CUL5: variants seen among roughly 807,000 people sequenced by gnomAD.
CUL5 encodes cullin 5.
CUL5 carries 26 observed loss-of-function variants against 108.8 expected under a neutral mutation model. The observed-to-expected ratio is 0.24, with a 90% CI of 0.18 to 0.33. The LOEUF (loss-of-function observed/expected upper bound fraction) is 0.33, where lower values mean the gene tolerates loss of function less well. Among genes scored for constraint, CUL5 ranks in the 10% least tolerant of loss-of-function variants. CUL5 has a pLI of 1.00. For missense variants in CUL5, 524 were observed against 909.2 expected, an observed-to-expected ratio of 0.58 and a Z score of 5.45; for synonymous variants, 334 against 298.0, an observed-to-expected ratio of 1.12 and a Z score of -1.25.
intron 8 of CUL5, 75 bp downstream of exon 8, chr11:108,070,264 C>T: frequency 9.4e-7 from 1 of 1,065,682 alleles, no homozygotes; most frequent in Non-Finnish European, 1.4e-6. Flanking sequence ...TACTAAGTTG[C>T]TCTTAGTTAA....
intron 7 of CUL5, among the ~76,000 whole-genome samples, chr11:108,061,123 G>T (rs1863522166): frequency 6.6e-6 from 1 of 152,120 alleles, no homozygotes; most frequent in Non-Finnish European, 1.5e-5. Flanking sequence ...ATGGCAAAAA[G>T]TTTTTTTCTT....
At chr11:108,085,892 C>T (rs1288888370) in intron 11 of CUL5, among the ~76,000 whole-genome samples, 1 of 152,086 alleles carries the variant, frequency 6.6e-6, no homozygotes, top group Non-Finnish European at 1.5e-5. Flanking sequence ...GATTACGCAA[C>T]CCTCTGAATA....
chr11:108,098,458 C>T lies in CUL5; in HGVS notation c.2077C>T (p.Gln693Ter). ...RGKINLIGRL[Q>*]LTTERMREEE... ...TAAAATCAACTTGATTGGACGTTTG[C>T]AGCTCACTACAGAAAGGATGAGAGA... is the stretch of plus-strand genomic sequence containing the variant. The change falls in exon 18 of 19, where the codon CAG becomes TAG. Residue 693 changes from glutamine (Q) to a stop codon, truncating the protein, a stop_gained. Coordinates refer to ENST00000393094, the MANE Select transcript of CUL5 (RefSeq NM_003478.6). LOFTEE classifies it high-confidence loss of function. 1 of 1,604,412 alleles carries T rather than the reference C, an allele frequency of 6.2e-7. No homozygotes were observed. Among genetic ancestry groups the T allele is most frequent in the Non-Finnish European group, 8.5e-7 (1 of 1,175,712 alleles).
intron 7 of CUL5, among the ~76,000 whole-genome samples, chr11:108,065,035 T>A (rs952879068): frequency 6.6e-6 from 1 of 151,180 alleles, no homozygotes; most frequent in East Asian, 1.9e-4. Flanking sequence ...AATTAATTAA[T>A]TTTTTTTTGA....
At chr11:108,100,172 G>A (rs1003921687) in intron 18 of CUL5, among the ~76,000 whole-genome samples, 1 of 152,118 alleles carries the variant, frequency 6.6e-6, no homozygotes, top group Non-Finnish European at 1.5e-5. Flanking sequence ...GGTAGTGGTG[G>A]AACTTGCCCT....
At chr11:108,068,418 A>C (rs1254631714) in intron 7 of CUL5, among the ~76,000 whole-genome samples, 1 of 151,980 alleles carries the variant, frequency 6.6e-6, no homozygotes, top group Admixed American at 6.6e-5. Context: ...TCCTGAGCTT[A>C]ACTGACCCTC....
At chr11:108,059,308 A>G (rs1863476280) in intron 7 of CUL5, among the ~76,000 whole-genome samples, 1 of 152,176 alleles carries the variant, frequency 6.6e-6, no homozygotes, top group Non-Finnish European at 1.5e-5. Flanking sequence ...GCATTATGCT[A>G]GTTGGGGATA....
intron 7 of CUL5, among the ~76,000 whole-genome samples, chr11:108,064,229 A>T (rs1863619310): frequency 6.6e-6 from 1 of 152,210 alleles, no homozygotes; most frequent in African/African-American, 2.4e-5. Context: ...GGTTTGTATC[A>T]TGCAGGAATG....
Position 108,095,686 on chromosome 11 carries a change from T to C in CUL5, c.1900T>C (p.Leu634=), listed in dbSNP as rs760001154. The C allele has an allele frequency of 6.2e-7, 1 of 1,609,052 alleles. No individual in the cohort carries two copies. Among genetic ancestry groups the C allele is most frequent in the Admixed American group, 1.7e-5 (1 of 58,408 alleles). ...CCCTGATGCTGAACTTAGGAGGACT[T>C]TATGGGTTGGTTTATGTTTTTTTGT... ...ELPDAELRRT[L]WSLVAFPKLK... Residue 634 remains leucine (L), a synonymous_variant, in exon 16 of 19, where the codon TTA becomes CTA. Coordinates refer to ENST00000393094, the MANE Select transcript of CUL5 (RefSeq NM_003478.6).
At chr11:108,044,407 C>T (rs371910503) in intron 2 of CUL5, among the ~76,000 whole-genome samples, 18 of 151,226 alleles carry the variant, frequency 1.2e-4, no homozygotes, top group Non-Finnish European at 2.4e-4. Flanking sequence ...CCCAGCTAGT[C>T]GGGAGGCTGA....
rs796070544 is a variant in CUL5, at chr11:108,103,425, A to C, written c.2149-765A>C. Among the ~76,000 whole-genome samples, 128 of 151,108 alleles carry C rather than the reference A, an allele frequency of 8.5e-4. 2 individuals are homozygous for C. The highest frequency in any genetic ancestry group is 3.1e-3 in the African/African-American group (124 of 40,528). On this transcript the variant is annotated intron_variant, in intron 18 of 18. Coordinates refer to ENST00000393094, the MANE Select transcript of CUL5 (RefSeq NM_003478.6). Reference sequence around the variant, plus strand: ...TAAAGAGAAGAAGGGGAAAAAAAAAACCTTAAAAACATTTAATTGAGTCAA... The same window carrying C: ...TAAAGAGAAGAAGGGGAAAAAAAAACCCTTAAAAACATTTAATTGAGTCAA...
intron 7 of CUL5, among the ~76,000 whole-genome samples, chr11:108,062,631 G>C (rs368794124): frequency 6.6e-6 from 1 of 150,996 alleles, no homozygotes; most frequent in African/African-American, 2.4e-5. Context: ...TGTATTTATG[G>C]GTTACATGAG....
At chr11:108,030,935 T>G (rs937265884) in intron 1 of CUL5, among the ~76,000 whole-genome samples, 6 of 152,214 alleles carry the variant, frequency 3.9e-5, no homozygotes, top group African/African-American at 1.2e-4. Context: ...CAGATGATTT[T>G]CACGTAGGTT....
chr11:108,095,720 CTG>C (rs753289338), intron 16 of CUL5, 29 bp downstream of exon 16: 21 of 1,568,940 alleles, frequency 1.3e-5, no homozygotes, highest in Non-Finnish European at 1.8e-5. Flanking sequence ...GTTTTTAAGA[CTG>C]TATCCTCTCA....
At chr11:108,075,299 A>C (rs764168830) in intron 10 of CUL5, among the ~76,000 whole-genome samples, 7 of 152,132 alleles carry the variant, frequency 4.6e-5, no homozygotes, top group Non-Finnish European at 1.0e-4. Context: ...TAATTCTGCA[A>C]GGAAACTTAT....
intron 1 of CUL5, among the ~76,000 whole-genome samples, chr11:108,029,790 G>A (rs947416515): frequency 6.6e-6 from 1 of 152,104 alleles, no homozygotes; most frequent in African/African-American, 2.4e-5. Context: ...ATGTTTCCTG[G>A]TACTTAACAA....
At position 108,048,626 on chromosome 11, in the gene CUL5, G is replaced by A. The variant is rs144202793; in HGVS notation, c.235-1264G>A. On this transcript the variant is annotated intron_variant, in intron 3 of 18. Coordinates refer to ENST00000393094, the MANE Select transcript of CUL5 (RefSeq NM_003478.6). ...CACAGGACCAGCCCAAACTCTAATA[G>A]TGGGGAAATAGACTCCACCACCTTT... Among the ~76,000 whole-genome samples the A allele has an allele frequency of 4.7e-3, 680 of 144,904 alleles. 7 individuals carry two copies. The highest frequency in any genetic ancestry group is 5.4e-3 in the Non-Finnish European group (358 of 66,170).
At chr11:108,054,444 T>C (rs919266800) in intron 5 of CUL5, among the ~76,000 whole-genome samples, 5 of 152,248 alleles carry the variant, frequency 3.3e-5, no homozygotes, top group Non-Finnish European at 7.3e-5. Flanking sequence ...ATATTATCTG[T>C]ATTATTTATT....
At chr11:108,084,696 G>A (rs912691925) in intron 11 of CUL5, among the ~76,000 whole-genome samples, 2 of 152,172 alleles carry the variant, frequency 1.3e-5, no homozygotes, top group Non-Finnish European at 2.9e-5. Flanking sequence ...AGCGATCTCA[G>A]GTGATCCTGA....
Sources: gnomAD v4.1 joint callset for allele counts (sites outside exome capture counted in the v4.1 genomes callset) on GRCh38, gnomAD v4.1.1 for gene constraint, MANE v1.5 for transcripts, NCBI Gene and HGNC (gene_info 2026-07-23, HGNC 2026-07-21) for gene names.